The following LRRC7 variants were observed in gnomAD, a reference collection of about 807,000 sequenced individuals.
The protein encoded by LRRC7 is leucine-rich repeat-containing protein 7.
In LRRC7, 23 loss-of-function variants were observed where a neutral mutation model predicts 175.7. The observed-to-expected ratio is 0.13, with a 90% CI of 0.09 to 0.19. The LOEUF (loss-of-function observed/expected upper bound fraction) is 0.19, where lower values mean the gene tolerates loss of function less well. Ranked by LOEUF, LRRC7 falls within the 10% of genes least tolerant of loss-of-function variation. The pLI is 1.00. For synonymous variants in LRRC7, 685 were observed against 680.9 expected, an observed-to-expected ratio of 1.01 and a Z score of -0.09; for missense variants, 1,354 against 1,904.7, an observed-to-expected ratio of 0.71 and a Z score of 5.38.
intron 1 of LRRC7, among the ~76,000 whole-genome samples, chr1:69,625,446 C>T (rs1032974197): frequency 6.7e-6 from 1 of 149,152 alleles, no homozygotes; most frequent in African/African-American, 2.5e-5. Context: ...ATTATCTGCA[C>T]TCTATGTTTT....
chr1:69,568,970 G>C (rs1371026066), intron 1 of LRRC7, among the ~76,000 whole-genome samples: 1 of 152,298 alleles, frequency 6.6e-6, no homozygotes, highest in East Asian at 1.9e-4. Context: ...CATTGGTTCC[G>C]CTGAAATTAG....
chr1:69,886,164 G>T (rs1338020969), intron 7 of LRRC7, among the ~76,000 whole-genome samples: 1 of 151,794 alleles, frequency 6.6e-6, no homozygotes, highest in Non-Finnish European at 1.5e-5. Flanking sequence ...TCAATTCCTG[G>T]GTATCCTTGT....
At chr1:69,771,114 T>G (rs181656727) in intron 3 of LRRC7, among the ~76,000 whole-genome samples, 4 of 152,320 alleles carry the variant, frequency 2.6e-5, no homozygotes, top group Admixed American at 1.3e-4. Flanking sequence ...AAAATTTGAC[T>G]CTGTTTAATC....
At chr1:69,652,901 A>G (rs1323262132) in intron 1 of LRRC7, among the ~76,000 whole-genome samples, 2 of 152,158 alleles carry the variant, frequency 1.3e-5, no homozygotes, top group African/African-American at 4.8e-5. Context: ...AGTTTCTTCA[A>G]GAAATAGTGT....
chr1:69,946,645 A>G (rs1457744474), intron 8 of LRRC7, among the ~76,000 whole-genome samples: 1 of 143,144 alleles, frequency 7.0e-6, no homozygotes, highest in Non-Finnish European at 1.6e-5. Flanking sequence ...CTTTATCATT[A>G]TATAATGTTC....
At chr1:69,632,388 G>A (rs985854214) in intron 1 of LRRC7, among the ~76,000 whole-genome samples, 1 of 152,080 alleles carries the variant, frequency 6.6e-6, no homozygotes, top group African/African-American at 2.4e-5. Context: ...TTTACAGTTA[G>A]CTGAGTGCCA....
At chr1:69,591,890 C>T (rs1477135873) in intron 1 of LRRC7, among the ~76,000 whole-genome samples, 1 of 151,994 alleles carries the variant, frequency 6.6e-6, no homozygotes, top group Non-Finnish European at 1.5e-5. Flanking sequence ...AAACTCCCTC[C>T]CCCATATCAT....
At chr1:69,923,703 C>T (rs1646965825) in intron 7 of LRRC7, among the ~76,000 whole-genome samples, 1 of 151,858 alleles carries the variant, frequency 6.6e-6, no homozygotes, top group Non-Finnish European at 1.5e-5. Context: ...TGGATATTAG[C>T]CCTTTGTCAG....
At chr1:69,767,895 A>G (rs914195269) in intron 3 of LRRC7, among the ~76,000 whole-genome samples, 6 of 152,152 alleles carry the variant, frequency 3.9e-5, no homozygotes, top group African/African-American at 1.4e-4. Context: ...AGGTGCCAGA[A>G]AAAAACAGCC....
At chr1:69,934,617 A>G (rs903919466) in intron 8 of LRRC7, among the ~76,000 whole-genome samples, 3 of 152,000 alleles carry the variant, frequency 2.0e-5, no homozygotes, top group African/African-American at 7.2e-5. Flanking sequence ...AATGAGAGTA[A>G]GGATCATTCA....
rs866511530 is a variant in LRRC7 at position 69,996,748 on chromosome 1, G to A, written c.1004+2115G>A. 1.7e-3 allele frequency among the ~76,000 whole-genome samples: 253 copies of A among 151,798 alleles called. 1 individual carries two copies. The highest frequency in any genetic ancestry group is 0.014 in the Middle Eastern group (4 of 292). ...ATTTCTGAGGGCTCTGTTCTGTTCC[G>A]TTGATCTATATCTCTGTTTTGGTAC... On this transcript the variant is annotated intron_variant, in intron 11 of 26. Coordinates refer to ENST00000651989, the MANE Select transcript of LRRC7 (RefSeq NM_001370785.2).
At chr1:69,919,866 G>A (rs1015495821) in intron 7 of LRRC7, 112 of 664,860 alleles carry the variant, frequency 1.7e-4, no homozygotes, top group Admixed American at 2.9e-4. Flanking sequence ...GCCTGGCCTC[G>A]GGGTTCCCCC....
At chr1:69,921,525 T>C (rs1245153011) in intron 7 of LRRC7, among the ~76,000 whole-genome samples, 1 of 152,216 alleles carries the variant, frequency 6.6e-6, no homozygotes, top group Non-Finnish European at 1.5e-5. Flanking sequence ...CTCCTTTACA[T>C]CTGACATCCA....
At position 69,950,217 on chromosome 1, in the gene LRRC7, A is replaced by G. The variant is rs548833057; in HGVS notation, c.711+18647A>G. ...TGAAAGTACCACAGTTAATAGACAG[A>G]TAGACATATGGATGGATGGATGGAT... is the stretch of plus-strand genomic sequence containing the variant. On this transcript the variant is annotated intron_variant, in intron 8 of 26. Transcript: ENST00000651989. Among the ~76,000 whole-genome samples, 39 of 151,488 alleles carry G rather than the reference A, an allele frequency of 2.6e-4. 2 individuals are homozygous for G. The highest frequency in any genetic ancestry group is 9.3e-4 in the African/African-American group (38 of 40,836).
chr1:69,627,404 C>T lies in LRRC7; in HGVS notation c.3-50977C>T, dbSNP rs572154032. On this transcript the variant is annotated intron_variant, in intron 1 of 26. Transcript: ENST00000651989. ...GAAGTGTCTGTTCATATCCTTCGCC[C>T]ACTTTTTGATGGGGTTGTTTGATTT... Among the ~76,000 whole-genome samples the T allele has an allele frequency of 2.0e-5, 3 of 152,244 alleles. No individual in the cohort carries two copies. The East Asian group carries it at 5.8e-4, about 29-fold the overall frequency.
intron 2 of LRRC7, among the ~76,000 whole-genome samples, chr1:69,709,493 T>G (rs1285711999): frequency 2.6e-5 from 4 of 152,202 alleles, no homozygotes; most frequent in Non-Finnish European, 5.9e-5. Context: ...GCTTTGTTTT[T>G]GTCAGGACTA....
chr1:70,106,333 C>T (rs1439818197), intron 25 of LRRC7, among the ~76,000 whole-genome samples: 1 of 152,100 alleles, frequency 6.6e-6, no homozygotes, highest in Non-Finnish European at 1.5e-5. Flanking sequence ...CTAATCTGCT[C>T]TCTGTTTCTG....
At chr1:69,671,268 G>A (rs1025246614) in intron 1 of LRRC7, among the ~76,000 whole-genome samples, 19 of 152,138 alleles carry the variant, frequency 1.2e-4, no homozygotes, top group Non-Finnish European at 2.5e-4. Flanking sequence ...TTCTTGCCTA[G>A]GGTGTGTCTA....
chr1:69,642,226 G>T (rs1170988718), intron 1 of LRRC7, among the ~76,000 whole-genome samples: 1 of 151,180 alleles, frequency 6.6e-6, no homozygotes, highest in Non-Finnish European at 1.5e-5. Flanking sequence ...TTTTTACATG[G>T]GTACCATATC....
Sources: gnomAD v4.1 joint callset for allele counts (sites outside exome capture counted in the v4.1 genomes callset) on GRCh38, gnomAD v4.1.1 for gene constraint, MANE v1.5 for transcripts, NCBI Gene and HGNC (gene_info 2026-07-23, HGNC 2026-07-21) for gene names.